The following HOXC4 variants were observed in gnomAD, a reference collection of about 807,000 sequenced individuals.
The protein encoded by HOXC4 is homeobox C4.
A neutral mutation model predicts 25.5 loss-of-function variants in HOXC4; 15 were observed. That is an observed-to-expected ratio of 0.59 (90% confidence interval 0.39 to 0.91). HOXC4 has a LOEUF of 0.91. HOXC4 is among the 40% of genes least tolerant of loss of function. The pLI, the probability that HOXC4 is intolerant of heterozygous loss-of-function variation, is 0.00. For synonymous variants in HOXC4, 165 were observed against 148.0 expected (o/e 1.11, Z -0.83); for missense variants, 342 against 352.4 (o/e 0.97, Z 0.24).
chr12:54,040,653 A>G (rs773811957), intron 1 of HOXC4, among the ~76,000 whole-genome samples: 15 of 152,132 alleles, frequency 9.9e-5, no homozygotes, highest in Non-Finnish European at 1.3e-4. Flanking sequence ...GTAGTTGTAG[A>G]CTCTAAATTA....
At chr12:54,027,355 G>T (rs897777062) in intron 1 of HOXC4, among the ~76,000 whole-genome samples, 3 of 152,198 alleles carry the variant, frequency 2.0e-5, no homozygotes, top group Admixed American at 6.5e-5. Context: ...CCTGAGTCTG[G>T]AGGGGGCAGG....
intron 1 of HOXC4, chr12:54,033,490 C>A (rs753488792): frequency 1.9e-6 from 3 of 1,592,684 alleles, no homozygotes; most frequent in South Asian, 1.1e-5. Context: ...GAGGAGCAGG[C>A]GCAGACAGGG....
chr12:54,034,045 C>A (rs767812829), intron 1 of HOXC4: 3 of 699,816 alleles, frequency 4.3e-6, no homozygotes, highest in Non-Finnish European at 8.0e-6. Context: ...CCCAACCCCC[C>A]CTCAGCCCCT....
chr12:54,054,136 C>G lies in HOXC4; in HGVS notation c.214C>G (p.Leu72Val), dbSNP rs759785309. The change falls in exon 1 of 2, where the codon CTC (leucine) becomes GTC (valine). Residue 72 changes from leucine to valine, a missense_variant. Coordinates refer to ENST00000430889, the MANE Select transcript of HOXC4 (RefSeq NM_153633.3). ...TGAGCGCCAGTATAGCTGCACCAGTCTCCAGGGGCCCGGCAATTCGCGAGG... is the reference window on the plus strand; with the variant it reads ...TGAGCGCCAGTATAGCTGCACCAGTGTCCAGGGGCCCGGCAATTCGCGAGG... ...YPERQYSCTSLQGPGNSRGHG... is the reference protein window; with the variant it reads ...YPERQYSCTSVQGPGNSRGHG... The G allele has an allele frequency of 3.1e-6, 5 of 1,614,070 alleles. No homozygotes were observed. In the African/African-American group the frequency reaches 5.3e-5, roughly 17 times the overall value.
At chr12:54,045,908 A>G (rs2136460367) in intron 1 of HOXC4, among the ~76,000 whole-genome samples, 1 of 152,280 alleles carries the variant, frequency 6.6e-6, no homozygotes, top group African/African-American at 2.4e-5. Flanking sequence ...CTGTGACCTG[A>G]GATCCAAGCC....
intron 1 of HOXC4, among the ~76,000 whole-genome samples, chr12:54,026,290 C>A (rs1940694388): frequency 6.6e-6 from 1 of 152,126 alleles, no homozygotes; most frequent in Non-Finnish European, 1.5e-5. Flanking sequence ...GTTGTCTCTC[C>A]CCCACCTCTT....
At chr12:54,030,240 G>T (rs1940931935) in intron 1 of HOXC4, 1 of 301,294 alleles carries the variant, frequency 3.3e-6, no homozygotes, top group Non-Finnish European at 6.2e-6. Flanking sequence ...TGGGGGCTCG[G>T]ACCCTGAACT....
chr12:54,044,881 C>T (rs1937664926), intron 1 of HOXC4, among the ~76,000 whole-genome samples: 3 of 152,178 alleles, frequency 2.0e-5, no homozygotes, highest in East Asian at 1.9e-4. Context: ...CTCCCTTGTG[C>T]CTGGGGCTAC....
Position 54,055,024 on chromosome 12 carries a change from A to C in HOXC4, c.614A>C (p.Gln205Pro). The C allele has an allele frequency of 6.2e-7, 1 of 1,614,036 alleles. No individual in the cohort carries two copies. The highest frequency in any genetic ancestry group is 8.5e-7 in the Non-Finnish European group (1 of 1,179,996). The part of the protein sequence containing the change: ...LSERQIKIWF[Q>P]NRRMKWKKDH... ...GAGAGGCAGATCAAAATCTGGTTCC[A>C]AAACCGTCGCATGAAATGGAAGAAG... The change falls in exon 2 of 2, where the codon CAA (glutamine) becomes CCA (proline). Residue 205 changes from glutamine (Q) to proline (P), a missense_variant. Physicochemically the swap from Gln to Pro is moderately conservative, Grantham distance 76. Transcript: ENST00000430889.
Position 54,018,293 on chromosome 12 carries a change from C to A in HOXC4, c.-124+879C>A, listed in dbSNP as rs909869467. Among the ~76,000 whole-genome samples the A allele has an allele frequency of 9.2e-5, 14 of 152,336 alleles. No individual in the cohort carries two copies. In the East Asian group the frequency reaches 2.7e-3, roughly 29 times the overall value. Reference sequence around the variant, plus strand: ...ATCCCAGCCGGGATGCCCACTGGACCGGGATGCCCGCTCGCCACGCATGGC... The same window carrying A: ...ATCCCAGCCGGGATGCCCACTGGACAGGGATGCCCGCTCGCCACGCATGGC... On this transcript the variant is annotated intron_variant, in intron 1 of 3. Transcript: ENST00000303406.
At chr12:54,053,502 G>A (rs1937893855), upstream of HOXC4, 1 of 177,278 alleles carries the variant, frequency 5.6e-6, no homozygotes, top group Admixed American at 5.7e-5. Flanking sequence ...CAGGAGCCGA[G>A]GCCCACGGGG....
At chr12:54,037,764 A>C (rs1277525477) in intron 1 of HOXC4, 2 of 152,230 alleles carry the variant, frequency 1.3e-5, no homozygotes, top group Non-Finnish European at 2.9e-5. Flanking sequence ...ATTTATGTGA[A>C]TAGCCTGAAG....
In HOXC4 at chr12:54,029,739, T is replaced by A. The variant is rs372813456; in HGVS notation, c.-124+12325T>A. Reference sequence around the variant, plus strand: ...CTGGAACTGGAGAAGGAATTTCACTTCAATCGCTACCTAACGCGGCGCCGG... The same window carrying A: ...CTGGAACTGGAGAAGGAATTTCACTACAATCGCTACCTAACGCGGCGCCGG... On this transcript the variant is annotated intron_variant, in intron 1 of 3. Transcript: ENST00000303406. The A allele has an allele frequency of 1.2e-5, 20 of 1,614,024 alleles. No homozygotes were observed. In the Admixed American group the frequency reaches 3.3e-4, roughly 27 times the overall value.
upstream of HOXC4, among the ~76,000 whole-genome samples, chr12:54,050,862 G>A (rs1937827620): frequency 6.6e-6 from 1 of 152,088 alleles, no homozygotes; most frequent in South Asian, 2.1e-4. Context: ...GCATAAAGAG[G>A]CATTTAATAT....
intron 1 of HOXC4, chr12:54,021,589 T>A (rs1254305151): frequency 6.6e-6 from 1 of 152,228 alleles, no homozygotes; most frequent in African/African-American, 2.4e-5. Context: ...CTCTAGGTGA[T>A]CGGGTTCCTC....
chr12:54,053,860 G>A lies in HOXC4; in HGVS notation c.-63G>A. 1 of 1,337,144 alleles carries A rather than the reference G, an allele frequency of 7.5e-7. No individual in the cohort carries two copies. The highest frequency in any genetic ancestry group is 1.4e-5 in the African/African-American group (1 of 69,172). The allele number at this position is 1,337,144 out of a possible 1,614,324, so 82.8% of individuals were successfully genotyped here. A position where few individuals can be genotyped will look rare whatever the true frequency, so the allele number is the denominator to read the frequency against. On this transcript the variant is annotated 5_prime_UTR_variant, in exon 1 of 2. Coordinates refer to ENST00000430889, the MANE Select transcript of HOXC4 (RefSeq NM_153633.3). ...AACTTTACAGGGTCGCTAGCTAGTA[G>A]GAGGGCTTTATGGAGCAGAAAAACG...
intron 1 of HOXC4, chr12:54,021,719 G>A (rs1331079881): frequency 1.3e-5 from 2 of 152,260 alleles, no homozygotes; most frequent in African/African-American, 2.4e-5. Context: ...AGGCACTGGG[G>A]TGACATTACT....
At chr12:54,024,878 G>A (rs562937334) in intron 1 of HOXC4, among the ~76,000 whole-genome samples, 4 of 152,326 alleles carry the variant, frequency 2.6e-5, no homozygotes, top group East Asian at 1.9e-4. Context: ...TATAATTAGC[G>A]CTATCAAAAG....
intron 1 of HOXC4, among the ~76,000 whole-genome samples, chr12:54,046,431 G>A (rs749831433): frequency 2.0e-5 from 3 of 152,092 alleles, no homozygotes; most frequent in Non-Finnish European, 4.4e-5. Flanking sequence ...AAGTATTGGG[G>A]TGTCGTAGGT....
Sources: gnomAD v4.1 joint callset for allele counts (sites outside exome capture counted in the v4.1 genomes callset) on GRCh38, gnomAD v4.1.1 for gene constraint, MANE v1.5 for transcripts, NCBI Gene and HGNC (gene_info 2026-07-23, HGNC 2026-07-21) for gene names.